SRC: variants seen among roughly 807,000 people sequenced by gnomAD.
SRC encodes the protein SRC proto-oncogene, non-receptor tyrosine kinase.
In SRC, 13 loss-of-function variants were observed where a neutral mutation model predicts 62.9. The ratio of observed to expected loss-of-function variants is 0.21; its 90% CI spans 0.13 to 0.33. SRC has a LOEUF of 0.33. Ranked by LOEUF, SRC falls within the 10% of genes least tolerant of loss-of-function variation. The pLI, the probability that SRC is intolerant of heterozygous loss-of-function variation, is 1.00. For missense variants in SRC, 457 were observed against 737.3 expected (o/e 0.62, Z 4.40); for synonymous variants, 302 against 317.5 (o/e 0.95, Z 0.52).
chr20:37,364,760 G>A (rs891903770), intron 1 of SRC, among the ~76,000 whole-genome samples: 8 of 152,232 alleles, frequency 5.3e-5, no homozygotes, highest in South Asian at 2.1e-4. Context: ...TTCCCACTAC[G>A]GCATCTGGGG....
intron 7 of SRC, among the ~76,000 whole-genome samples, chr20:37,394,945 G>A (rs908444293): frequency 4.6e-5 from 7 of 152,156 alleles, no homozygotes; most frequent in Non-Finnish European, 7.4e-5. Flanking sequence ...GGGTGGAATT[G>A]TCTGTGTGTT....
intron 2 of SRC, among the ~76,000 whole-genome samples, chr20:37,368,697 C>T (rs1290435852): frequency 8.0e-5 from 12 of 149,302 alleles, no homozygotes; most frequent in African/African-American, 2.0e-4. Context: ...GGACTACAGG[C>T]GCCCGCCACT....
chr20:37,389,918 G>C (rs533427776), intron 5 of SRC, among the ~76,000 whole-genome samples: 1 of 152,140 alleles, frequency 6.6e-6, no homozygotes, highest in Non-Finnish European at 1.5e-5. Flanking sequence ...GACCAGGCCC[G>C]GGGGAAGGTG....
intron 11 of SRC, chr20:37,401,955 C>T (rs953000967): frequency 3.4e-5 from 14 of 406,416 alleles, no homozygotes; most frequent in Admixed American, 8.7e-5. Context: ...GTCATTTAGT[C>T]GCTTAGCAGA....
intron 2 of SRC, among the ~76,000 whole-genome samples, chr20:37,373,283 C>T (rs533107543): frequency 9.7e-5 from 14 of 144,386 alleles, no homozygotes; most frequent in East Asian, 8.1e-4. Context: ...CACACACACA[C>T]ATATTACATA....
chr20:37,368,518 CTTT>C (rs1352624429), intron 2 of SRC, among the ~76,000 whole-genome samples: 47 of 73,890 alleles, frequency 6.4e-4, no homozygotes, highest in African/African-American at 1.9e-3. Context: ...CCTATATTTT[CTTT>C]TTTTTTTTTT....
intron 5 of SRC, among the ~76,000 whole-genome samples, chr20:37,391,620 G>A (rs1048983278): frequency 4.6e-5 from 7 of 152,120 alleles, no homozygotes; most frequent in African/African-American, 1.7e-4. Context: ...TTGGGAGGCC[G>A]AGGTGGGCAG....
chr20:37,401,765 C>A, intron 11 of SRC, 87 bp downstream of exon 11: 1 of 946,764 alleles, frequency 1.1e-6, no homozygotes, highest in Non-Finnish European at 1.6e-6. Context: ...CTCTTGAGTG[C>A]CCCCTCCAAG....
rs2070778574 is a variant in SRC at position 37,403,623 on chromosome 20, C to T, written c.*244C>T. 3 of 551,908 alleles carry T rather than the reference C, an allele frequency of 5.4e-6. No individual in the cohort carries two copies. The highest frequency in any genetic ancestry group is 2.3e-5 in the South Asian group (1 of 43,988). The allele number at this position is 551,908 out of a possible 1,614,324, so 34.2% of individuals were successfully genotyped here. A position where few individuals can be genotyped will look rare whatever the true frequency, so the allele number is the denominator to read the frequency against. ...TCCAGCTCCCGCTGTGGCCGCACGC[C>T]TCTCCCTGCACTCCCTCCTGGAGCT... On this transcript the variant is annotated 3_prime_UTR_variant, in exon 14 of 14. Transcript: ENST00000373578. This position sits in a 1 kb window ranked among gnomAD's most constrained non-coding sequence, Gnocchi z 7.1.
intron 2 of SRC, among the ~76,000 whole-genome samples, chr20:37,366,439 C>A (rs1157883240): frequency 6.6e-6 from 1 of 152,208 alleles, no homozygotes; most frequent in Non-Finnish European, 1.5e-5. Context: ...AGTAGAGTCA[C>A]GGAATTGTAC....
intron 10 of SRC, among the ~76,000 whole-genome samples, chr20:37,401,058 G>A (rs190781534): frequency 2.6e-5 from 4 of 152,142 alleles, no homozygotes; most frequent in South Asian, 2.1e-4. Flanking sequence ...GTGCAGTGGC[G>A]TGATCATAGC....
At chr20:37,346,537 C>T (rs1482285338) in intron 1 of SRC, among the ~76,000 whole-genome samples, 1 of 152,064 alleles carries the variant, frequency 6.6e-6, no homozygotes, top group Non-Finnish European at 1.5e-5. Context: ...CTCATGCTCC[C>T]CATAGGATCC....
At chr20:37,385,971 GC>G (rs377474844) in intron 4 of SRC, 103 bp from the exon 5 acceptor site, 3 of 863,130 alleles carry the variant, frequency 3.5e-6, no homozygotes, top group South Asian at 1.5e-5. Flanking sequence ...CTGAGCACTT[GC>G]GTGTGGGAGA....
intron 2 of SRC, among the ~76,000 whole-genome samples, chr20:37,372,593 T>C (rs531077219): frequency 1.4e-4 from 22 of 152,330 alleles, no homozygotes; most frequent in African/African-American, 5.3e-4. Flanking sequence ...TTTTATGGTG[T>C]AGCATATGGT....
chr20:37,392,905 C>T (rs750406315), intron 5 of SRC, among the ~76,000 whole-genome samples: 2 of 152,142 alleles, frequency 1.3e-5, no homozygotes, highest in Non-Finnish European at 2.9e-5. Context: ...CCTCTCACCA[C>T]CCCCATCTCT....
Position 37,397,437 on chromosome 20 carries a change from T to C in SRC, c.704-262T>C, listed in dbSNP as rs1349043753. 1.3e-5 allele frequency among the ~76,000 whole-genome samples: 2 copies of C among 152,154 alleles called. No homozygotes were observed. Among genetic ancestry groups the C allele is most frequent in the Admixed American group, 1.3e-4 (2 of 15,282 alleles). ...CCTGAGGGCAGGTTCCCTGGACATG[T>C]TCCCTCCCCGCAGGGTTCCTGGCAC... On this transcript the variant is annotated intron_variant, in intron 8 of 13. Coordinates refer to ENST00000373578, the MANE Select transcript of SRC (RefSeq NM_198291.3). The surrounding 1 kb of genome is among the most constrained non-coding windows in gnomAD (Gnocchi z 4.1).
At chr20:37,379,857 C>T (rs1340527318) in intron 2 of SRC, among the ~76,000 whole-genome samples, 5 of 133,186 alleles carry the variant, frequency 3.8e-5, no homozygotes, top group Non-Finnish European at 7.7e-5. Context: ...GATCGCGCCA[C>T]TGCACTCCAG....
chr20:37,402,804 C>T lies in SRC; in HGVS notation c.1326C>T (p.Phe442=), dbSNP rs760592193. The change falls in exon 13 of 14, where the codon TTC becomes TTT. Residue 442 remains phenylalanine, a synonymous_variant. Coordinates refer to ENST00000373578, the MANE Select transcript of SRC (RefSeq NM_198291.3). This position sits in a 1 kb window ranked among gnomAD's most constrained non-coding sequence, Gnocchi z 6.2. ...CAGAAGCTGCCCTCTATGGCCGCTT[C>T]ACCATCAAGTCGGACGTGTGGTCCT... ...TAPEAALYGR[F]TIKSDVWSFG... is the part of the protein sequence containing the mutation. The T allele has an allele frequency of 2.5e-5, 40 of 1,614,006 alleles. No homozygotes were observed. Among genetic ancestry groups the T allele is most frequent in the Non-Finnish European group, 3.1e-5 (37 of 1,180,012 alleles).
chr20:37,388,893 C>A (rs2070498061), intron 5 of SRC, among the ~76,000 whole-genome samples: 1 of 152,100 alleles, frequency 6.6e-6, no homozygotes, highest in South Asian at 2.1e-4. Flanking sequence ...TCCCGGGGAC[C>A]CGCCTGCATG....
Sources: allele counts gnomAD v4.1 joint callset (sites outside exome capture counted in the v4.1 genomes callset), GRCh38; gene constraint gnomAD v4.1.1; non-coding constraint Gnocchi (gnomAD v3.1); transcripts MANE v1.5; gene names NCBI Gene and HGNC (gene_info 2026-07-23, HGNC 2026-07-21).